The following PCDHA13 variants were observed in gnomAD, a reference collection of about 807,000 sequenced individuals.
PCDHA13 encodes the protein protocadherin alpha-13.
In PCDHA13, 54 loss-of-function variants were observed where a neutral mutation model predicts 64.8. The ratio of observed to expected loss-of-function variants is 0.83; its 90% CI spans 0.67 to 1.04. PCDHA13 has a LOEUF of 1.04. PCDHA13 is among the 50% of genes least tolerant of loss of function. The pLI, the probability that PCDHA13 is intolerant of heterozygous loss-of-function variation, is 0.00. For missense variants in PCDHA13, 1,248 were observed against 1,254.3 expected, an observed-to-expected ratio of 0.99 and a Z score of 0.08; for synonymous variants, 587 against 564.4, an observed-to-expected ratio of 1.04 and a Z score of -0.57.
At chr5:140,971,181 C>T (rs1364149664) in intron 1 of PCDHA13, among the ~76,000 whole-genome samples, 1 of 152,104 alleles carries the variant, frequency 6.6e-6, no homozygotes, top group Non-Finnish European at 1.5e-5. Context: ...AGCTGTAAGC[C>T]GGAAGCTCAG....
intron 3 of PCDHA13, among the ~76,000 whole-genome samples, chr5:140,999,676 C>T: frequency 6.6e-6 from 1 of 152,086 alleles, no homozygotes; most frequent in East Asian, 1.9e-4. Flanking sequence ...GGGGGGCTCA[C>T]AGAAAGAAGA....
chr5:140,926,890 A>C, intron 1 of PCDHA13: 2 of 1,543,874 alleles, frequency 1.3e-6, no homozygotes, highest in Non-Finnish European at 1.7e-6. Context: ...GCCTAGAGGG[A>C]GGATGGTGGG....
At chr5:140,979,052 G>T (rs2096833352) in intron 2 of PCDHA13, 45 bp downstream of exon 2, 1 of 1,609,668 alleles carries the variant, frequency 6.2e-7, no homozygotes, top group Non-Finnish European at 8.5e-7. Context: ...CCTTAACTTG[G>T]TATGGCTCAG....
At chr5:140,972,660 A>ATTTTTTTTTTTTTTTTTTTTTTTTTT (rs11350929) in intron 1 of PCDHA13, among the ~76,000 whole-genome samples, 1 of 117,268 alleles carries the variant, frequency 8.5e-6, no homozygotes, top group Non-Finnish European at 1.7e-5. Context: ...AAGAAACCAA[A>ATTTTTTTTTTTTTTTTTTTTTTTTTT]TTTTTTTTTT....
chr5:140,982,128 A>G (rs2153827578), intron 2 of PCDHA13, among the ~76,000 whole-genome samples: 1 of 152,384 alleles, frequency 6.6e-6, no homozygotes, highest in South Asian at 2.1e-4. Flanking sequence ...TTTTGAGAAC[A>G]AGCCCTCCTC....
intron 1 of PCDHA13, among the ~76,000 whole-genome samples, chr5:140,969,735 T>A (rs1029423690): frequency 2.6e-5 from 4 of 152,188 alleles, no homozygotes; most frequent in Non-Finnish European, 5.9e-5. Flanking sequence ...TGAAATCCTA[T>A]ATGAGTGATG....
At chr5:140,966,825 T>C in intron 1 of PCDHA13, 3 of 1,560,026 alleles carry the variant, frequency 1.9e-6, no homozygotes, top group Non-Finnish European at 2.6e-6. Flanking sequence ...CGGCGGCCCA[T>C]GCCCTGGCTG....
At chr5:140,999,933 A>T (rs1554257043) in intron 3 of PCDHA13, among the ~76,000 whole-genome samples, 1 of 152,124 alleles carries the variant, frequency 6.6e-6, no homozygotes, top group African/African-American at 2.4e-5. Context: ...AGCTCAACTC[A>T]TTCCACCCAA....
chr5:140,951,662 G>A (rs1246504133), intron 1 of PCDHA13, among the ~76,000 whole-genome samples: 1 of 152,150 alleles, frequency 6.6e-6, no homozygotes, highest in African/African-American at 2.4e-5. Context: ...ACCAGGGCCT[G>A]CCTACAAAAT....
At chr5:140,971,778 G>C (rs1346530602) in intron 1 of PCDHA13, among the ~76,000 whole-genome samples, 2 of 151,860 alleles carry the variant, frequency 1.3e-5, no homozygotes, top group Non-Finnish European at 2.9e-5. Context: ...TATTATTCAA[G>C]ATTATTCAAT....
intron 3 of PCDHA13, among the ~76,000 whole-genome samples, chr5:141,008,171 G>A (rs1441350888): frequency 6.6e-6 from 1 of 152,148 alleles, no homozygotes; most frequent in African/African-American, 2.4e-5. Flanking sequence ...GGACTAAAAT[G>A]TGACCATTGA....
intron 1 of PCDHA13, chr5:140,967,445 C>T (rs782571799): frequency 3.1e-6 from 5 of 1,613,550 alleles, no homozygotes; most frequent in Non-Finnish European, 4.2e-6. Flanking sequence ...CCACCTGGTT[C>T]TCACAGCCGT....
intron 1 of PCDHA13, among the ~76,000 whole-genome samples, chr5:140,941,058 T>C (rs1554213707): frequency 6.6e-6 from 1 of 152,106 alleles, no homozygotes; most frequent in East Asian, 1.9e-4. Context: ...TCCCCAGCAG[T>C]TTTCTGGGCT....
rs114410083 is a variant in PCDHA13, at chr5:140,927,323, C to T, written c.2394+42661C>T. 1,487 of 1,614,220 alleles carry T rather than the reference C, an allele frequency of 9.2e-4. 8 individuals are homozygous for T. In the African/African-American group the frequency reaches 0.018, roughly 19 times the overall value. ...TTCCTGACGCCCGGAGCCCGCTTTA[C>T]TCTCCCGAATGCCCAAGATGACGAC... On this transcript the variant is annotated intron_variant, in intron 1 of 3. Coordinates refer to ENST00000289272, the MANE Select transcript of PCDHA13 (RefSeq NM_018904.3).
intron 1 of PCDHA13, among the ~76,000 whole-genome samples, chr5:140,899,424 T>A (rs1437811361): frequency 6.6e-6 from 1 of 152,206 alleles, no homozygotes; most frequent in African/African-American, 2.4e-5. Flanking sequence ...TTGTCAAAGG[T>A]CTTTTCTGCA....
intron 1 of PCDHA13, among the ~76,000 whole-genome samples, chr5:140,892,021 G>A (rs2063355611): frequency 6.6e-6 from 1 of 152,160 alleles, no homozygotes; most frequent in Admixed American, 6.5e-5. Context: ...AGCACAAATG[G>A]TCTAAGATAC....
chr5:140,950,720 T>C (rs2094512536), intron 1 of PCDHA13, among the ~76,000 whole-genome samples: 1 of 152,106 alleles, frequency 6.6e-6, no homozygotes, highest in South Asian at 2.1e-4. Flanking sequence ...CTTATATCCT[T>C]AAATTTTTTA....
At chr5:140,886,690 G>T (rs1321168089) in intron 1 of PCDHA13, among the ~76,000 whole-genome samples, 3 of 151,964 alleles carry the variant, frequency 2.0e-5, no homozygotes, top group African/African-American at 7.2e-5. Flanking sequence ...GCGAGGCATG[G>T]TGGCACGCGC....
intron 1 of PCDHA13, among the ~76,000 whole-genome samples, chr5:140,958,989 A>C (rs2095457963): frequency 6.6e-6 from 1 of 152,064 alleles, no homozygotes; most frequent in Non-Finnish European, 1.5e-5. Flanking sequence ...TATTGTTGCT[A>C]ATCTTTTACT....
Sources: allele counts gnomAD v4.1 joint callset (sites outside exome capture counted in the v4.1 genomes callset), GRCh38; gene constraint gnomAD v4.1.1; transcripts MANE v1.5; gene names NCBI Gene and HGNC (gene_info 2026-07-23, HGNC 2026-07-21).